The following ZNF66 variants were observed in gnomAD, a reference collection of about 807,000 sequenced individuals.
The protein encoded by ZNF66 is zinc finger protein 66.
A neutral mutation model predicts 35.2 loss-of-function variants in ZNF66; 32 were observed. The ratio of observed to expected loss-of-function variants is 0.91; its 90% CI spans 0.69 to 1.22. ZNF66 has a LOEUF of 1.22. Ranked by LOEUF, ZNF66 falls within the 50% of genes most tolerant of loss-of-function variation. The pLI is 0.00. For missense variants in ZNF66, 666 were observed against 543.1 expected, an observed-to-expected ratio of 1.23 and a Z score of -2.25; for synonymous variants, 231 against 181.3, an observed-to-expected ratio of 1.27 and a Z score of -2.20.
intron 1 of ZNF66, among the ~76,000 whole-genome samples, chr19:20,783,180 C>T (rs999056314): frequency 7.2e-5 from 11 of 151,966 alleles, no homozygotes; most frequent in South Asian, 6.2e-4. Context: ...TATTTCTGGG[C>T]TCTCTATTCT....
intron 1 of ZNF66, among the ~76,000 whole-genome samples, chr19:20,780,741 A>C (rs1372839163): frequency 6.6e-6 from 1 of 152,090 alleles, no homozygotes; most frequent in East Asian, 1.9e-4. Context: ...TGGGAATGGG[A>C]GCTCTGCTTT....
At chr19:20,792,197 A>G (rs1387341058) in intron 1 of ZNF66, among the ~76,000 whole-genome samples, 1 of 152,306 alleles carries the variant, frequency 6.6e-6, no homozygotes, top group African/African-American at 2.4e-5. Context: ...CATCTGAAAA[A>G]TATTCACAAC....
rs963650562 is a variant in ZNF66 at position 20,788,651 on chromosome 19, C to T, written c.4-3861C>T. On this transcript the variant is annotated intron_variant, in intron 1 of 3. Coordinates refer to ENST00000344519, the MANE Select transcript of ZNF66 (RefSeq NM_001355197.2). ...AACTCCTGATGTTGTGATCTACCCG[C>T]GTCATCCTCCTGAAGCGCTGGGATT... 1.8e-4 allele frequency among the ~76,000 whole-genome samples: 28 copies of T among 152,074 alleles called. 1 individual carries two copies. The highest frequency in any genetic ancestry group is 2.1e-4 in the South Asian group (1 of 4,822).
intron 1 of ZNF66, chr19:20,785,122 C>A (rs933760015): frequency 6.6e-6 from 1 of 152,220 alleles, no homozygotes; most frequent in Non-Finnish European, 1.5e-5. Context: ...ACCCAGGAGG[C>A]CTGCAGGCTC....
chr19:20,798,307 ATTTCAGGGCC>A (rs1971414547), intron 3 of ZNF66, among the ~76,000 whole-genome samples: 1 of 152,054 alleles, frequency 6.6e-6, no homozygotes, highest in African/African-American at 2.4e-5. Flanking sequence ...TGAAGTGTAC[ATTTCAGGGCC>A]AGGCGTGGTG....
rs1441210441 is a variant in ZNF66 at position 20,809,696 on chromosome 19, G to A, written c.*2374G>A. 2.0e-5 allele frequency among the ~76,000 whole-genome samples: 3 copies of A among 151,896 alleles called. No homozygotes were observed. The highest frequency in any genetic ancestry group is 7.3e-5 in the African/African-American group (3 of 41,324). ...CTGAAGGAAGCACTAAACATGGAAAGGAACAACTGATACCAGCCGCTGCAA... is the reference window on the plus strand; with the variant it reads ...CTGAAGGAAGCACTAAACATGGAAAAGAACAACTGATACCAGCCGCTGCAA... On this transcript the variant is annotated 3_prime_UTR_variant, in exon 4 of 4. Coordinates refer to ENST00000344519, the MANE Select transcript of ZNF66 (RefSeq NM_001355197.2).
At chr19:20,790,037 G>C (rs1284787827) in intron 1 of ZNF66, among the ~76,000 whole-genome samples, 1 of 151,542 alleles carries the variant, frequency 6.6e-6, no homozygotes, top group Admixed American at 6.6e-5. Context: ...ATGCGCCAAG[G>C]GGGAGCAACA....
chr19:20,798,322 G>T (rs74510899), intron 3 of ZNF66, among the ~76,000 whole-genome samples: 1 of 151,810 alleles, frequency 6.6e-6, no homozygotes, highest in East Asian at 1.9e-4. Context: ...AGGGCCAGGC[G>T]TGGTGGTGGC....
At position 20,808,510 on chromosome 19, in the gene ZNF66, C is replaced by T. The variant is rs374931726; in HGVS notation, c.*1188C>T. On this transcript the variant is annotated 3_prime_UTR_variant, in exon 4 of 4. Coordinates refer to ENST00000344519, the MANE Select transcript of ZNF66 (RefSeq NM_001355197.2). ...TCCTCATATAAAACTTCCAGAGGAC[C>T]GATCAGGCAGCAGCATTTGTGGTTC... is the stretch of plus-strand genomic sequence containing the variant. Among the ~76,000 whole-genome samples the T allele has an allele frequency of 5.3e-5, 8 of 152,090 alleles. No homozygotes were observed. The highest frequency in any genetic ancestry group is 1.9e-4 in the East Asian group (1 of 5,174).
chr19:20,777,415 A>AATG (rs1971205299), intron 1 of ZNF66, among the ~76,000 whole-genome samples: 1 of 149,396 alleles, frequency 6.7e-6, no homozygotes, highest in Admixed American at 6.7e-5. Context: ...TGTTTCCCCT[A>AATG]ATGTAGTAAT....
At position 20,806,959 on chromosome 19, in the gene ZNF66, C is replaced by G; in HGVS notation, c.1359C>G (p.Tyr453Ter). Residue 453 changes from tyrosine to a stop codon, truncating the protein, a stop_gained, in exon 4 of 4, where the codon TAC (tyrosine) becomes TAG (stop). Coordinates refer to ENST00000344519, the MANE Select transcript of ZNF66 (RefSeq NM_001355197.2). LOFTEE classifies it high-confidence loss of function. ...TAATTCACACTGGAGAGAAACCCTA[C>G]GAATGTGAAGACTGTGGCAAAGCCT... ...HKIIHTGEKP[Y>*]ECEDCGKAFN... 8.9e-7 allele frequency: 1 copy of G among 1,127,098 alleles called. No individual in the cohort carries two copies. The highest frequency in any genetic ancestry group is 1.4e-6 in the Non-Finnish European group (1 of 737,580). The allele number at this position is 1,127,098 out of a possible 1,614,324, so 69.8% of individuals were successfully genotyped here.
rs2144927994 is a variant in ZNF66 at position 20,809,623 on chromosome 19, C to T, written c.*2301C>T. 6.6e-6 allele frequency among the ~76,000 whole-genome samples: 1 copy of T among 151,798 alleles called. No homozygotes were observed. Among genetic ancestry groups the T allele is most frequent in the Admixed American group, 6.6e-5 (1 of 15,246 alleles). On this transcript the variant is annotated 3_prime_UTR_variant, in exon 4 of 4. Coordinates refer to ENST00000344519, the MANE Select transcript of ZNF66 (RefSeq NM_001355197.2). ...AGAAATAAAATACTTTACAGACAAG[C>T]AAATGCTGAGAGATTTTGTCACCAC...
At chr19:20,792,015 C>G (rs749601331) in intron 1 of ZNF66, among the ~76,000 whole-genome samples, 27 of 152,052 alleles carry the variant, frequency 1.8e-4, no homozygotes, top group Non-Finnish European at 4.0e-4. Flanking sequence ...AAAACACAGG[C>G]TCTTCCACTT....
At chr19:20,803,967 A>G (rs991501654) in intron 3 of ZNF66, among the ~76,000 whole-genome samples, 1 of 152,248 alleles carries the variant, frequency 6.6e-6, no homozygotes, top group African/African-American at 2.4e-5. Flanking sequence ...TCATGAGACT[A>G]TGCTTATAAA....
chr19:20,790,828 AT>A (rs1482603025), intron 1 of ZNF66, among the ~76,000 whole-genome samples: 2 of 152,122 alleles, frequency 1.3e-5, no homozygotes, highest in Non-Finnish European at 2.9e-5. Flanking sequence ...AATGCCATGT[AT>A]CTAGTACTTG....
rs368388557 is a variant in ZNF66 at position 20,807,179 on chromosome 19, C to A, written c.1579C>A (p.His527Asn). ...DFKYSSTLTR[H>N]KKIHTGGKPH... ...TAAGTACTCCTCTACCCTTACTAGA[C>A]ATAAGAAAATTCATACTGGAGGGAA... is the stretch of plus-strand genomic sequence containing the variant. The change falls in exon 4 of 4, where the codon CAT becomes AAT. Residue 527 changes from histidine to asparagine, a missense_variant. Coordinates refer to ENST00000344519, the MANE Select transcript of ZNF66 (RefSeq NM_001355197.2). 5.3e-6 allele frequency: 4 copies of A among 761,534 alleles called. No individual in the cohort carries two copies. The East Asian group carries it at 9.9e-5, about 19-fold the overall frequency. The allele number at this position is 761,534 out of a possible 1,614,324, so 47.2% of individuals were successfully genotyped here. A position where few individuals can be genotyped will look rare whatever the true frequency, so the allele number is the denominator to read the frequency against.
intron 1 of ZNF66, among the ~76,000 whole-genome samples, chr19:20,786,175 C>G (rs891019821): frequency 1.3e-5 from 2 of 152,174 alleles, no homozygotes; most frequent in African/African-American, 2.4e-5. Flanking sequence ...CTTTCCCTCT[C>G]AGGCTTCCAG....
Position 20,809,036 on chromosome 19 carries a change from T to C in ZNF66, c.*1714T>C, listed in dbSNP as rs2144926874. Among the ~76,000 whole-genome samples, 1 of 152,186 alleles carries C rather than the reference T, an allele frequency of 6.6e-6. No individual in the cohort carries two copies. Among genetic ancestry groups the C allele is most frequent in the South Asian group, 2.1e-4 (1 of 4,820 alleles). On this transcript the variant is annotated 3_prime_UTR_variant, in exon 4 of 4. Transcript: ENST00000344519. ...CAAGGATCAAGAACTACGTGAAGAA[T>C]GCAGAAGCCTCAGGAGCCAATGCGA...
At chr19:20,785,033 T>A (rs1971275188) in intron 1 of ZNF66, 1 of 152,104 alleles carries the variant, frequency 6.6e-6, no homozygotes, top group South Asian at 2.1e-4. Context: ...AATTCAATAT[T>A]TTTTCCATGT....
Sources: allele counts gnomAD v4.1 joint callset (sites outside exome capture counted in the v4.1 genomes callset), GRCh38; gene constraint gnomAD v4.1.1; transcripts MANE v1.5; gene names NCBI Gene and HGNC (gene_info 2026-07-23, HGNC 2026-07-21).